PDE4C: variants seen among roughly 807,000 people sequenced by gnomAD.
The protein encoded by PDE4C is phosphodiesterase 4C, also known as 3',5'-cyclic-AMP phosphodiesterase 4C.
In PDE4C, 50 loss-of-function variants were observed where a neutral mutation model predicts 63.9. That is an observed-to-expected ratio of 0.78 (90% CI 0.62 to 0.99). The LOEUF (loss-of-function observed/expected upper bound fraction) is 0.99, where lower values mean the gene tolerates loss of function less well. Ranked by LOEUF, PDE4C falls within the 50% of genes least tolerant of loss-of-function variation. PDE4C has a pLI of 0.00. For missense variants in PDE4C, 777 were observed against 899.1 expected (o/e 0.86, Z 1.74); for synonymous variants, 377 against 385.1 (o/e 0.98, Z 0.25).
At chr19:18,228,565 C>T (rs1157104079), upstream of PDE4C, among the ~76,000 whole-genome samples, 1 of 152,168 alleles carries the variant, frequency 6.6e-6, no homozygotes, top group African/African-American at 2.4e-5. Context: ...TCATTTCATC[C>T]CCTCTGTAGT....
intron 1 of PDE4C, among the ~76,000 whole-genome samples, chr19:18,231,882 C>G (rs190522688): frequency 4.6e-4 from 70 of 152,140 alleles, no homozygotes; most frequent in African/African-American, 1.7e-3. Flanking sequence ...TCAACTTACA[C>G]GAAACAGGAG....
In PDE4C at chr19:18,212,183, CG is replaced by C. The variant is rs1967980321; in HGVS notation, c.1513-243del. On this transcript the variant is annotated intron_variant, in intron 13 of 14. Coordinates refer to ENST00000262805, the Ensembl canonical transcript of PDE4C. ...GAATTGCAAAAATGGAGGCCCTCTC[CG>C]ATTTTTTTTTTTTTAATGAGTTAGG... Among the ~76,000 whole-genome samples the C allele has an allele frequency of 3.1e-5, 3 of 95,750 alleles. No homozygotes were observed. In the East Asian group the frequency reaches 1.0e-3, roughly 33 times the overall value. The allele number at this position is 95,750 out of a possible 152,430, so 62.8% of individuals were successfully genotyped here. A position where few individuals can be genotyped will look rare whatever the true frequency, so the allele number is the denominator to read the frequency against.
rs926296568 is a variant in PDE4C, at chr19:18,220,621, G to A, written c.500-106C>T. ...TGGACCCTGAAACTGTTCCCACGGG[G>A]GCCACCCAGGACTCCTGGACCCAAG... On this transcript the variant is annotated intron_variant, in intron 5 of 14. Transcript: ENST00000262805. The surrounding 1 kb of genome is among the most constrained non-coding windows in gnomAD (Gnocchi z 5.1). 2 of 1,021,626 alleles carry A rather than the reference G, an allele frequency of 2.0e-6. No individual in the cohort carries two copies. The highest frequency in any genetic ancestry group is 2.6e-5 in the East Asian group (1 of 38,554). The allele number at this position is 1,021,626 out of a possible 1,614,324, so 63.3% of individuals were successfully genotyped here. A position where few individuals can be genotyped will look rare whatever the true frequency, so the allele number is the denominator to read the frequency against.
In PDE4C at chr19:18,211,730, C is replaced by A. The variant is rs1480757972; in HGVS notation, c.1695+29G>T. 3.7e-6 allele frequency: 6 copies of A among 1,612,320 alleles called. No homozygotes were observed. The Admixed American group carries it at 6.7e-5, about 18-fold the overall frequency. ...CCCTCCTTTTACTTCCTCCCAGTGT[C>A]TACCGGTTCAGCCCAGTCCCCTGCC... On this transcript the variant is annotated intron_variant, in intron 14 of 14. Transcript: ENST00000262805.
chr19:18,221,304 GGA>G lies in PDE4C; in HGVS notation c.339-9_339-8del, dbSNP rs527489322. 2.0e-4 allele frequency: 312 copies of G among 1,540,900 alleles called. No homozygotes were observed. The African/African-American group carries it at 3.8e-3, about 19-fold the overall frequency. On this transcript the variant is annotated splice_polypyrimidine_tract_variant and splice_region_variant and intron_variant, in intron 2 of 14. Coordinates refer to ENST00000262805, the Ensembl canonical transcript of PDE4C. ...AATCATGTCCTCTCCATGTCTGCGAGGAGACGGGCCATCAGGGAGAGCTCTCT... is the reference window on the plus strand; with the variant it reads ...AATCATGTCCTCTCCATGTCTGCGAGGACGGGCCATCAGGGAGAGCTCTCT...
upstream of PDE4C, chr19:18,250,320 C>A (rs2148080934): frequency 7.5e-6 from 3 of 399,062 alleles, no homozygotes; most frequent in East Asian, 1.1e-4. Context: ...ACCATGGACA[C>A]CTCGTCCAGG....
exon 9 of PDE4C, chr19:18,218,956 A>G (rs1372585616): frequency 4.3e-6 from 7 of 1,613,248 alleles, no homozygotes; most frequent in South Asian, 1.1e-5. Context: ...AATGCTGAAT[A>G]TGATAGCTGT....
At chr19:18,236,035 C>A (rs1239585280), upstream of PDE4C, among the ~76,000 whole-genome samples, 1 of 151,670 alleles carries the variant, frequency 6.6e-6, no homozygotes, top group Non-Finnish European at 1.5e-5. Flanking sequence ...CTCTGCCTCC[C>A]GGGTTCACGC....
At chr19:18,231,080 C>T (rs1003888917), upstream of PDE4C, among the ~76,000 whole-genome samples, 1 of 152,224 alleles carries the variant, frequency 6.6e-6, no homozygotes, top group Non-Finnish European at 1.5e-5. Flanking sequence ...ATGAGGACGC[C>T]GAGGCTCCGG....
At chr19:18,226,329 C>T (rs1448722600) in exon 1 of PDE4C, 1 of 1,559,798 alleles carries the variant, frequency 6.4e-7, no homozygotes, top group Non-Finnish European at 8.7e-7. Flanking sequence ...TCACCAAAAG[C>T]TTCCTGAAGA....
chr19:18,248,734 CTG>C (rs991691714), upstream of PDE4C, among the ~76,000 whole-genome samples: 1 of 152,050 alleles, frequency 6.6e-6, no homozygotes, highest in African/African-American at 2.4e-5. Context: ...AAGACCCTCT[CTG>C]GTCATTGGCT....
At chr19:18,237,086 G>A (rs1968963939), upstream of PDE4C, 1 of 152,660 alleles carries the variant, frequency 6.6e-6, no homozygotes, top group African/African-American at 2.4e-5. Context: ...AAAGACATGA[G>A]CAAGTTCTTG....
chr19:18,250,389 T>A (rs1969217740), upstream of PDE4C: 3 of 399,098 alleles, frequency 7.5e-6, no homozygotes, highest in East Asian at 1.1e-4. Flanking sequence ...ACAGACCCGA[T>A]GAGCAAAAGA....
At chr19:18,242,006 G>T (rs1969050105) in intron 1 of PDE4C, among the ~76,000 whole-genome samples, 1 of 152,228 alleles carries the variant, frequency 6.6e-6, no homozygotes. Flanking sequence ...GGGAATGAGG[G>T]AGTGGATCAC....
intron 7 of PDE4C, chr19:18,219,604 A>T: frequency 1.7e-6 from 1 of 577,456 alleles, no homozygotes; most frequent in Non-Finnish European, 3.0e-6. Context: ...TGGGCAGATC[A>T]CTTGAGGTCA....
chr19:18,216,985 T>G, intron 11 of PDE4C, 90 bp from the exon 12 acceptor site: 8 of 1,428,484 alleles, frequency 5.6e-6, no homozygotes, highest in South Asian at 1.4e-5. Context: ...AGCAAACTCC[T>G]ACCCATGCGT....
Position 18,219,302 on chromosome 19 carries a change from CA to C in PDE4C, c.801del (p.Ser267ArgfsTer26). 6.2e-7 allele frequency: 1 copy of C among 1,614,158 alleles called. No homozygotes were observed. The highest frequency in any genetic ancestry group is 2.2e-5 in the East Asian group (1 of 44,890). On this transcript the variant is annotated frameshift_variant, in exon 8 of 15. Coordinates refer to ENST00000262805, the Ensembl canonical transcript of PDE4C. LOFTEE classifies it high-confidence loss of function. ...GGGACAGTGGCTGAGGAGAGGCTGG[CA>C]CTGTGGCAGAGCCCATGTAGGCCAC...
At chr19:18,212,539 A>G (rs751195760) in intron 13 of PDE4C, among the ~76,000 whole-genome samples, 2 of 150,602 alleles carry the variant, frequency 1.3e-5, no homozygotes, top group Non-Finnish European at 2.9e-5. Context: ...CAATGGTGCA[A>G]TCACAGCTCA....
At chr19:18,212,275 C>T (rs1019027709) in intron 13 of PDE4C, among the ~76,000 whole-genome samples, 1 of 151,734 alleles carries the variant, frequency 6.6e-6, no homozygotes. Flanking sequence ...CCTCTGCCTC[C>T]CAGGCTCAAA....
Sources: gnomAD v4.1 joint callset for allele counts (sites outside exome capture counted in the v4.1 genomes callset) on GRCh38, gnomAD v4.1.1 for gene constraint, Gnocchi (gnomAD v3.1) non-coding constraint, MANE v1.5 for transcripts, NCBI Gene and HGNC (gene_info 2026-07-23, HGNC 2026-07-21) for gene names.